SEL1L: variants seen among roughly 807,000 people sequenced by gnomAD.
SEL1L encodes SEL1L adaptor subunit of SYVN1 ubiquitin ligase, also known as protein sel-1 homolog 1.
SEL1L carries 52 observed loss-of-function variants against 109.8 expected under a neutral mutation model. That is an observed-to-expected ratio of 0.47 (90% CI 0.38 to 0.60). The LOEUF (loss-of-function observed/expected upper bound fraction) is 0.60, where lower values mean the gene tolerates loss of function less well. Among genes scored for constraint, SEL1L ranks in the 20% least tolerant of loss-of-function variants. The probability of loss-of-function intolerance (pLI) is 0.00; values close to 1 mark genes in which losing one functional copy is unlikely to be tolerated. For missense variants in SEL1L, 749 were observed against 962.2 expected, an observed-to-expected ratio of 0.78 and a Z score of 2.93; for synonymous variants, 373 against 339.6, an observed-to-expected ratio of 1.10 and a Z score of -1.08.
chr14:81,486,431 T>A lies in SEL1L; in HGVS notation c.1656A>T (p.Arg552=). 1 of 1,614,044 alleles carries A rather than the reference T, an allele frequency of 6.2e-7. No homozygotes were observed. Among genetic ancestry groups the A allele is most frequent in the Non-Finnish European group, 8.5e-7 (1 of 1,179,986 alleles). ...AVELFKNVCE[R]GRWSERLMTA... is the part of the protein sequence containing the mutation. Reference sequence around the variant, plus strand: ...TCATAAGCCTTTCAGACCAACGGCCTCGTTCACATACATTCTTAAACAACT... The same window carrying A: ...TCATAAGCCTTTCAGACCAACGGCCACGTTCACATACATTCTTAAACAACT... Residue 552 remains arginine, a synonymous_variant, in exon 17 of 21, where the codon CGA becomes CGT. Coordinates refer to ENST00000336735, the MANE Select transcript of SEL1L (RefSeq NM_005065.6).
chr14:81,506,093 T>C lies in SEL1L; in HGVS notation c.489A>G (p.Glu163=). 6.2e-7 allele frequency: 1 copy of C among 1,613,686 alleles called. No homozygotes were observed. The highest frequency in any genetic ancestry group is 8.5e-7 in the Non-Finnish European group (1 of 1,179,718). Residue 163 remains glutamate (E), a synonymous_variant, in exon 4 of 21, where the codon GAA becomes GAG. Coordinates refer to ENST00000336735, the MANE Select transcript of SEL1L (RefSeq NM_005065.6). ...ACTTACTTTCACAAAAGCCCCACTTTTCATCTGCTTTGTAGTCATAGGTTG... is the reference window on the plus strand; with the variant it reads ...ACTTACTTTCACAAAAGCCCCACTTCTCATCTGCTTTGTAGTCATAGGTTG... The part of the protein sequence containing the change: ...CATTYDYKAD[E]KWGFCETEEE...
chr14:81,514,081 T>C (rs773210628), intron 3 of SEL1L, among the ~76,000 whole-genome samples: 1 of 152,248 alleles, frequency 6.6e-6, no homozygotes, highest in African/African-American at 2.4e-5. Flanking sequence ...GTTTCTCCTA[T>C]GAGAATGATT....
At chr14:81,520,285 A>C (rs1884857084) in intron 3 of SEL1L, among the ~76,000 whole-genome samples, 1 of 152,200 alleles carries the variant, frequency 6.6e-6, no homozygotes. Context: ...AAATGTTTAT[A>C]AAGTTGTTGA....
chr14:81,531,743 A>T (rs1885332158), intron 1 of SEL1L, among the ~76,000 whole-genome samples: 1 of 152,024 alleles, frequency 6.6e-6, no homozygotes, highest in Non-Finnish European at 1.5e-5. Flanking sequence ...GGGTTTCGCC[A>T]TGTTGCCCAG....
intron 3 of SEL1L, among the ~76,000 whole-genome samples, chr14:81,516,304 C>A (rs896773910): frequency 1.3e-5 from 2 of 152,202 alleles, no homozygotes; most frequent in African/African-American, 4.8e-5. Flanking sequence ...CTGTCCCAGA[C>A]AACTGTCCTC....
intron 3 of SEL1L, among the ~76,000 whole-genome samples, chr14:81,508,000 TA>T (rs1941740375): frequency 6.6e-6 from 1 of 152,200 alleles, no homozygotes; most frequent in African/African-American, 2.4e-5. Flanking sequence ...TAACAGTCCT[TA>T]TTGTTTGCAA....
Position 81,475,541 on chromosome 14 carries a change from T to G in SEL1L, c.*1431A>C, listed in dbSNP as rs555055895. 6.6e-6 allele frequency: 1 copy of G among 152,324 alleles called. No homozygotes were observed. Among genetic ancestry groups the G allele is most frequent in the South Asian group, 2.1e-4 (1 of 4,828 alleles). 9.4% of individuals were successfully genotyped at this position (152,324 alleles called of 1,614,324 possible). A position where few individuals can be genotyped will look rare whatever the true frequency, so the allele number is the denominator to read the frequency against. On this transcript the variant is annotated 3_prime_UTR_variant, in exon 21 of 21. Coordinates refer to ENST00000336735, the MANE Select transcript of SEL1L (RefSeq NM_005065.6). ...GATTCTGGGAAAAAAGCATGAAGGT[T>G]AGTATAAACATACTGACATCAGTAG...
chr14:81,518,203 C>T (rs569566868), intron 3 of SEL1L, among the ~76,000 whole-genome samples: 1 of 151,390 alleles, frequency 6.6e-6, no homozygotes, highest in Non-Finnish European at 1.5e-5. Context: ...TGGGACGGAA[C>T]TTCTTGTACT....
At chr14:81,483,069 A>T (rs904478307) in intron 19 of SEL1L, among the ~76,000 whole-genome samples, 1 of 152,260 alleles carries the variant, frequency 6.6e-6, no homozygotes, top group Non-Finnish European at 1.5e-5. Flanking sequence ...ATCATTAAAA[A>T]TAATTTCTAA....
At position 81,533,834 on chromosome 14, in the gene SEL1L, T is replaced by C; in HGVS notation, c.-90A>G. The stretch of plus-strand genomic sequence containing the variant: ...GCCACCACCGCCGCCTCGCCGCTGC[T>C]CTTCCTGCTCTAGTCTCCTTCCTCC... On this transcript the variant is annotated 5_prime_UTR_variant, in exon 1 of 21. Transcript: ENST00000336735. The C allele has an allele frequency of 7.7e-7, 1 of 1,298,362 alleles. No individual in the cohort carries two copies. Among genetic ancestry groups the C allele is most frequent in the South Asian group, 1.2e-5 (1 of 80,256 alleles). The allele number at this position is 1,298,362 out of a possible 1,614,324, so 80.4% of individuals were successfully genotyped here.
intron 19 of SEL1L, among the ~76,000 whole-genome samples, chr14:81,480,103 C>T (rs912064607): frequency 5.9e-5 from 9 of 152,302 alleles, no homozygotes; most frequent in East Asian, 5.8e-4. Flanking sequence ...GTATTAGCAA[C>T]GTCTGGTTTC....
intron 1 of SEL1L, among the ~76,000 whole-genome samples, chr14:81,531,739 C>T (rs1019699032): frequency 6.6e-6 from 1 of 151,982 alleles, no homozygotes; most frequent in Admixed American, 6.6e-5. Context: ...GATGGGGTTT[C>T]GCCATGTTGC....
At chr14:81,518,382 G>T (rs1413718077) in intron 3 of SEL1L, among the ~76,000 whole-genome samples, 1 of 151,746 alleles carries the variant, frequency 6.6e-6, no homozygotes, top group Non-Finnish European at 1.5e-5. Context: ...AAGGTAGGCC[G>T]GGTGCGGTGG....
At chr14:81,497,259 T>G (rs1446633371) in intron 10 of SEL1L, among the ~76,000 whole-genome samples, 1 of 152,222 alleles carries the variant, frequency 6.6e-6, no homozygotes, top group East Asian at 1.9e-4. Context: ...AAGTATCTAA[T>G]GCTCATCTGT....
At chr14:81,505,075 A>G (rs543276579) in intron 4 of SEL1L, among the ~76,000 whole-genome samples, 2 of 152,332 alleles carry the variant, frequency 1.3e-5, no homozygotes, top group African/African-American at 2.4e-5. Context: ...GTCAGCTAAA[A>G]TAAGGTCAAG....
At position 81,479,722 on chromosome 14, in the gene SEL1L, G is replaced by A. The variant is rs751846820; in HGVS notation, c.2065C>T (p.Arg689Cys). Residue 689 changes from arginine to cysteine, a missense_variant, in exon 20 of 21, where the codon CGT becomes TGT. Arg to Cys is a radical substitution (Grantham distance 180). This residue lies in a region of SEL1L where 383 missense variants were observed against 562.5 expected (regional missense o/e 0.68). Coordinates refer to ENST00000336735, the MANE Select transcript of SEL1L (RefSeq NM_005065.6). Reference sequence around the variant, plus strand: ...GCTTCAGCTGCCATGTCATAAAAACGTTTCGCAAGGTGAATATCCTATAAT... The same window carrying A: ...GCTTCAGCTGCCATGTCATAAAAACATTTCGCAAGGTGAATATCCTATAAT... ...GIKQDIHLAK[R>C]FYDMAAEASP... The A allele has an allele frequency of 3.1e-6, 5 of 1,613,068 alleles. No homozygotes were observed. Among genetic ancestry groups the A allele is most frequent in the Non-Finnish European group, 8.5e-7 (1 of 1,179,710 alleles).
At chr14:81,511,616 C>T (rs531184911) in intron 3 of SEL1L, among the ~76,000 whole-genome samples, 1 of 152,358 alleles carries the variant, frequency 6.6e-6, no homozygotes, top group African/African-American at 2.4e-5. Flanking sequence ...AAGTCAGGAC[C>T]TGTTGCAGGC....
rs1595543710 is a variant in SEL1L, at chr14:81,533,722, G to A, written c.23C>T (p.Thr8Met). The change falls in exon 1 of 21, where the codon ACG becomes ATG. Residue 8 changes from threonine to methionine, a missense_variant. Around this residue, in one of 2 missense-constraint regions of SEL1L, gnomAD observed 366 missense variants for 399.8 expected, o/e 0.92. Transcript: ENST00000336735. Reference sequence around the variant, plus strand: ...CAGCAGCACCGCACACAGCAGCAGCGTCAGCCCTATCCGGACCCGCATCCT... The same window carrying A: ...CAGCAGCACCGCACACAGCAGCAGCATCAGCCCTATCCGGACCCGCATCCT... MRVRIGLTLLLCAVLLSL... is the reference protein window; with the variant it reads MRVRIGLMLLLCAVLLSL... 6.2e-7 allele frequency: 1 copy of A among 1,613,552 alleles called. No individual in the cohort carries two copies. The highest frequency in any genetic ancestry group is 1.7e-5 in the Admixed American group (1 of 59,992).
intron 3 of SEL1L, among the ~76,000 whole-genome samples, chr14:81,523,481 C>T (rs530421148): frequency 1.9e-4 from 29 of 152,160 alleles, no homozygotes; most frequent in African/African-American, 7.0e-4. Context: ...TCTGGCTTTT[C>T]GTCTCTATCC....
Sources: gnomAD v4.1 joint callset for allele counts (sites outside exome capture counted in the v4.1 genomes callset) on GRCh38, gnomAD v4.1.1 for gene constraint, gnomAD v4.1.1 regional missense constraint, MANE v1.5 for transcripts, NCBI Gene and HGNC (gene_info 2026-07-23, HGNC 2026-07-21) for gene names.